Variants in MED25 observed in about 807,000 individuals in gnomAD.
The protein encoded by MED25 is mediator of RNA polymerase II transcription subunit 25.
A neutral mutation model predicts 89.4 loss-of-function variants in MED25; 62 were observed. That is an observed-to-expected ratio of 0.69 (90% confidence interval 0.57 to 0.86). The LOEUF (loss-of-function observed/expected upper bound fraction) is 0.86, where lower values mean the gene tolerates loss of function less well. MED25 is among the 40% of genes least tolerant of loss of function. The probability of loss-of-function intolerance (pLI) is 0.00; values close to 1 mark genes in which losing one functional copy is unlikely to be tolerated. For missense variants in MED25, 905 were observed against 1,005.2 expected, an observed-to-expected ratio of 0.90 and a Z score of 1.35; for synonymous variants, 449 against 427.9, an observed-to-expected ratio of 1.05 and a Z score of -0.61.
At chr19:49,828,594 C>A in intron 4 of MED25, 47 bp downstream of exon 4, 1 of 1,458,870 alleles carries the variant, frequency 6.9e-7, no homozygotes, top group Non-Finnish European at 9.6e-7. Flanking sequence ...CTCTGCCTGG[C>A]CTGGAACCAC....
chr19:49,830,838 C>A lies in MED25; in HGVS notation c.1052C>A (p.Ala351Asp), dbSNP rs1388721944. ...ASQPSLVSTV[A>D]PGSGLAPTAQ... ...CAGCCCAGTCTGGTCTCCACTGTGG[C>A]CCCTGGCTCCGGCCTGGCTCCCACG... Residue 351 changes from alanine to aspartate, a missense_variant, in exon 9 of 18, where the codon GCC becomes GAC. Ala to Asp is a moderately radical substitution (Grantham distance 126). Around this residue, in one of 3 missense-constraint regions of MED25, gnomAD observed 501 missense variants for 526.9 expected, o/e 0.95. Transcript: ENST00000312865. This position sits in a 1 kb window ranked among gnomAD's most constrained non-coding sequence, Gnocchi z 4.6. The A allele has an allele frequency of 6.2e-7, 1 of 1,612,852 alleles. No individual in the cohort carries two copies. Among genetic ancestry groups the A allele is most frequent in the East Asian group, 2.2e-5 (1 of 44,868 alleles).
chr19:49,819,165 C>G lies in MED25; in HGVS notation c.181-7C>G. 6.2e-7 allele frequency: 1 copy of G among 1,614,156 alleles called. No homozygotes were observed. The stretch of plus-strand genomic sequence containing the variant: ...CAGATTAAAAGTTTTCTGTCCTCCC[C>G]TCCCAGTATGGGGGGACCCAGTACA... On this transcript the variant is annotated splice_region_variant and splice_polypyrimidine_tract_variant and intron_variant, in intron 2 of 17. Transcript: ENST00000312865.
rs1255271698 is a variant in MED25 at position 49,829,764 on chromosome 19, C to T, written c.526-22C>T. 2.5e-6 allele frequency: 4 copies of T among 1,570,604 alleles called. No individual in the cohort carries two copies. The highest frequency in any genetic ancestry group is 1.2e-5 in the South Asian group (1 of 86,726). Reference sequence around the variant, plus strand: ...CCCTTATGGAGGGGGCCCGTCATGACTGCTCGGCCCCTCTCCTACAGCGGG... The same window carrying T: ...CCCTTATGGAGGGGGCCCGTCATGATTGCTCGGCCCCTCTCCTACAGCGGG... On this transcript the variant is annotated intron_variant, in intron 5 of 17. Transcript: ENST00000312865. This position sits in a 1 kb window ranked among gnomAD's most constrained non-coding sequence, Gnocchi z 4.6.
intron 3 of MED25, among the ~76,000 whole-genome samples, chr19:49,822,758 C>T (rs990743701): frequency 1.3e-5 from 2 of 149,352 alleles, no homozygotes; most frequent in Non-Finnish European, 3.0e-5. Context: ...CGCCATTCTC[C>T]TGCCTCAGCC....
At chr19:49,822,640 C>CTTT (rs536060694) in intron 3 of MED25, among the ~76,000 whole-genome samples, 497 of 68,204 alleles carry the variant, frequency 7.3e-3, no homozygotes, top group East Asian at 0.012. Flanking sequence ...CTGTTACATT[C>CTTT]TTTTTTTTTT....
intron 11 of MED25, 23 bp downstream of exon 11, chr19:49,832,044 G>A (rs370984356): frequency 1.9e-6 from 3 of 1,612,806 alleles, no homozygotes; most frequent in African/African-American, 2.7e-5. Flanking sequence ...CAGGGGCGGG[G>A]TGTGGTGGGG....
At chr19:49,838,638 C>T, downstream of MED25, 1 of 457,282 alleles carries the variant, frequency 2.2e-6, no homozygotes, top group Non-Finnish European at 4.4e-6. Flanking sequence ...GGGAGCGAGC[C>T]TATTTCTTTG....
chr19:49,833,516 G>C (rs2074074197), intron 13 of MED25: 1 of 152,228 alleles, frequency 6.6e-6, no homozygotes, highest in South Asian at 2.1e-4. Flanking sequence ...ACCTTAGGGG[G>C]ATCACCTCAC....
In MED25 at chr19:49,830,888, G is replaced by A. The variant is rs769486726; in HGVS notation, c.1101+1G>A. 1.2e-6 allele frequency: 2 copies of A among 1,603,876 alleles called. No individual in the cohort carries two copies. The highest frequency in any genetic ancestry group is 1.7e-5 in the Admixed American group (1 of 59,910). ...GGCACAGCCCGGGGCACCGTCCATG[G>A]TAGGTGCCTGCACGCCTCCTGCCCC... is the stretch of plus-strand genomic sequence containing the variant. On this transcript the variant is annotated splice_donor_variant, in intron 9 of 17. Coordinates refer to ENST00000312865, the MANE Select transcript of MED25 (RefSeq NM_030973.4). LOFTEE classifies it high-confidence loss of function. This position sits in a 1 kb window ranked among gnomAD's most constrained non-coding sequence, Gnocchi z 4.6.
Position 49,836,757 on chromosome 19 carries a change from C to A in MED25, c.2147-90C>A. 1.0e-6 allele frequency: 1 copy of A among 977,964 alleles called. No individual in the cohort carries two copies. Among genetic ancestry groups the A allele is most frequent in the Non-Finnish European group, 1.6e-6 (1 of 620,738 alleles). 60.6% of individuals were successfully genotyped at this position (977,964 alleles called of 1,614,324 possible). ...CAGAAGGTGCTTCTGTTGGGTCCCCCAAGGGCTGCCTAGAAAACTTAGTGC... is the reference window on the plus strand; with the variant it reads ...CAGAAGGTGCTTCTGTTGGGTCCCCAAAGGGCTGCCTAGAAAACTTAGTGC... On this transcript the variant is annotated intron_variant, in intron 17 of 17. Transcript: ENST00000312865. The surrounding 1 kb of genome is among the most constrained non-coding windows in gnomAD (Gnocchi z 5.1).
Position 49,835,771 on chromosome 19 carries a change from G to T in MED25, c.1791G>T (p.Gly597=), listed in dbSNP as rs771243472. 6.2e-7 allele frequency: 1 copy of T among 1,609,230 alleles called. No homozygotes were observed. The highest frequency in any genetic ancestry group is 2.2e-5 in the East Asian group (1 of 44,766). ...AGCCCCAGCCTCAGGGTACCGTAGG[G>T]GCCTCTGGGGCCACGGGGCAGCCCC... is the stretch of plus-strand genomic sequence containing the variant. The part of the protein sequence containing the change: ...PPQPQPQGTV[G]ASGATGQPQP... The change falls in exon 16 of 18, where the codon GGG becomes GGT. Residue 597 remains glycine (G), a synonymous_variant. Coordinates refer to ENST00000312865, the MANE Select transcript of MED25 (RefSeq NM_030973.4). This position sits in a 1 kb window ranked among gnomAD's most constrained non-coding sequence, Gnocchi z 6.2.
chr19:49,832,799 A>G, intron 13 of MED25: 1 of 341,472 alleles, frequency 2.9e-6, no homozygotes, highest in South Asian at 2.4e-5. Flanking sequence ...GCCCAAGGTC[A>G]GGGTGTCAGC....
At chr19:49,820,373 A>G (rs772060072) in intron 3 of MED25, among the ~76,000 whole-genome samples, 3 of 152,260 alleles carry the variant, frequency 2.0e-5, no homozygotes, top group Non-Finnish European at 4.4e-5. Context: ...TTTATAACTC[A>G]GGATTGCACA....
In MED25 at chr19:49,830,919, C is replaced by CT. The variant is rs1357421745; in HGVS notation, c.1101+34dup. ...GCCTGCACGCCTCCTGCCCCTGCTC[C>CT]TTCCTCCTGCTGTCCACAGCTAGGA... On this transcript the variant is annotated intron_variant, in intron 9 of 17. Transcript: ENST00000312865. The surrounding 1 kb of genome is among the most constrained non-coding windows in gnomAD (Gnocchi z 4.6). The CT allele has an allele frequency of 6.3e-7, 1 of 1,592,492 alleles. No individual in the cohort carries two copies. Among genetic ancestry groups the CT allele is most frequent in the African/African-American group, 1.3e-5 (1 of 74,686 alleles).
Position 49,836,424 on chromosome 19 carries a change from AG to A in MED25, c.2146+21del. On this transcript the variant is annotated intron_variant, in intron 17 of 17. Coordinates refer to ENST00000312865, the MANE Select transcript of MED25 (RefSeq NM_030973.4). This position sits in a 1 kb window ranked among gnomAD's most constrained non-coding sequence, Gnocchi z 5.1. The stretch of plus-strand genomic sequence containing the variant: ...ACTGCCAGGTAAGGGGACCCGGGGG[AG>A]GGCAGAGGTCTGGACTGAGTGTCCC... The A allele has an allele frequency of 6.4e-7, 1 of 1,572,086 alleles. No individual in the cohort carries two copies. The highest frequency in any genetic ancestry group is 1.8e-5 in the Admixed American group (1 of 54,582).
chr19:49,832,205 TG>T, intron 12 of MED25, 48 bp downstream of exon 12: 1 of 1,598,714 alleles, frequency 6.3e-7, no homozygotes, highest in Middle Eastern at 2.0e-4. Flanking sequence ...GTCCTCACCC[TG>T]CTGTCTCTTT....
rs771553031 is a variant in MED25, at chr19:49,830,225, A to G, written c.819+7A>G. ...CGTCCCCCCGCAGTACCAGGTATGG[A>G]TATTTCCGGGAAGGGACATGCTTCT... On this transcript the variant is annotated splice_region_variant and intron_variant, in intron 7 of 17. Coordinates refer to ENST00000312865, the MANE Select transcript of MED25 (RefSeq NM_030973.4). The surrounding 1 kb of genome is among the most constrained non-coding windows in gnomAD (Gnocchi z 4.6). The G allele has an allele frequency of 1.2e-6, 2 of 1,604,916 alleles. No individual in the cohort carries two copies. Among genetic ancestry groups the G allele is most frequent in the Admixed American group, 1.7e-5 (1 of 59,576 alleles).
intron 3 of MED25, among the ~76,000 whole-genome samples, chr19:49,821,700 C>CCT (rs1329216534): frequency 6.6e-6 from 1 of 152,010 alleles, no homozygotes; most frequent in Non-Finnish European, 1.5e-5. Context: ...GCCTGTAATC[C>CCT]CAGCTCTTGG....
intron 3 of MED25, among the ~76,000 whole-genome samples, chr19:49,825,439 G>A (rs1568620643): frequency 6.6e-6 from 1 of 151,906 alleles, no homozygotes; most frequent in Non-Finnish European, 1.5e-5. Context: ...AGTAGAGATA[G>A]GGTTTCACTT....
Sources: gnomAD v4.1 joint callset for allele counts (sites outside exome capture counted in the v4.1 genomes callset) on GRCh38, gnomAD v4.1.1 for gene constraint, gnomAD v4.1.1 regional missense constraint, Gnocchi (gnomAD v3.1) non-coding constraint, MANE v1.5 for transcripts, NCBI Gene and HGNC (gene_info 2026-07-23, HGNC 2026-07-21) for gene names.